The following PHF24 variants were observed in gnomAD, a reference collection of about 807,000 sequenced individuals.
The protein encoded by PHF24 is Galpha inhibitory interacting protein.
Under a neutral mutation model 42.6 loss-of-function variants are expected in PHF24, and 25 were observed. The observed-to-expected ratio is 0.59, with a 90% confidence interval of 0.43 to 0.82. The LOEUF (loss-of-function observed/expected upper bound fraction) is 0.82, where lower values mean the gene tolerates loss of function less well. PHF24 is among the 40% of genes least tolerant of loss of function. The pLI is 0.00. For missense variants in PHF24, 470 were observed against 538.1 expected (o/e 0.87, Z 1.25); for synonymous variants, 185 against 204.8 (o/e 0.90, Z 0.83).
In PHF24 at chr9:34,958,612, C is replaced by G. The variant is rs1211114814; in HGVS notation, c.-5+211C>G. 5.9e-5 allele frequency among the ~76,000 whole-genome samples: 9 copies of G among 152,134 alleles called. No homozygotes were observed. Among genetic ancestry groups the G allele is most frequent in the Non-Finnish European group, 1.3e-4 (9 of 68,004 alleles). On this transcript the variant is annotated intron_variant, in intron 1 of 7. Transcript: ENST00000242315. This position sits in a 1 kb window ranked among gnomAD's most constrained non-coding sequence, Gnocchi z 4.5. ...TGGGGAGCCGCCCCCATAAAGACCC[C>G]CTGTGGGAATGGACTCCCGCGGCGC...
At chr9:34,853,813 G>T in the PHF24 span, among the ~76,000 whole-genome samples, 1 of 134,352 alleles carries the variant, frequency 7.4e-6, no homozygotes, top group African/African-American at 2.9e-5. Flanking sequence ...GGGTGACAGA[G>T]CGAGACTCCG....
chr9:34,928,089 G>A, the PHF24 span, among the ~76,000 whole-genome samples: 1 of 151,988 alleles, frequency 6.6e-6, no homozygotes, highest in African/African-American at 2.4e-5. Context: ...GGTGGAGAGT[G>A]CCTGTAATCC....
At chr9:34,871,329 TTGGATAGCAGTCC>T in the PHF24 span, among the ~76,000 whole-genome samples, 1 of 152,220 alleles carries the variant, frequency 6.6e-6, no homozygotes, top group Non-Finnish European at 1.5e-5. Context: ...TTTGTATACT[TTGGATAGCAGTCC>T]TTTACCAGAT....
chr9:34,918,122 A>T, the PHF24 span: 61 of 1,547,428 alleles, frequency 3.9e-5, no homozygotes, highest in African/African-American at 8.0e-4. Context: ...CTGCTGGTGT[A>T]GCCAATCGTA....
At chr9:34,915,217 A>G in the PHF24 span, among the ~76,000 whole-genome samples, 3 of 151,680 alleles carry the variant, frequency 2.0e-5, no homozygotes, top group South Asian at 6.2e-4. Context: ...TATTTTTTGT[A>G]GAGACGGGGT....
chr9:34,779,813 C>G, the PHF24 span, among the ~76,000 whole-genome samples: 1,129 of 152,272 alleles, frequency 7.4e-3, 17 homozygotes, highest in African/African-American at 0.026. Context: ...GCAACTTTTA[C>G]CTCCTAAGTT....
the PHF24 span, among the ~76,000 whole-genome samples, chr9:34,950,016 AAAAG>A: frequency 6.6e-5 from 10 of 152,186 alleles, no homozygotes; most frequent in African/African-American, 7.2e-5. Flanking sequence ...AGAGTAAAAA[AAAAG>A]AAAGAAAGAA....
the PHF24 span, among the ~76,000 whole-genome samples, chr9:34,877,299 AAAAG>A: frequency 6.6e-6 from 1 of 152,054 alleles, no homozygotes; most frequent in Non-Finnish European, 1.5e-5. Flanking sequence ...AAAAAAAAGA[AAAAG>A]AAATTCTGAC....
chr9:34,968,529 T>G (rs1826858967), intron 1 of PHF24, among the ~76,000 whole-genome samples: 1 of 152,204 alleles, frequency 6.6e-6, no homozygotes, highest in Non-Finnish European at 1.5e-5. Context: ...GGGAGGTGGT[T>G]CTTTCCTTTC....
the PHF24 span, among the ~76,000 whole-genome samples, chr9:34,731,175 T>G: frequency 1.3e-5 from 2 of 152,206 alleles, no homozygotes; most frequent in Admixed American, 6.5e-5. Flanking sequence ...TATATATTTA[T>G]GGGGTATGTG....
the PHF24 span, among the ~76,000 whole-genome samples, chr9:34,919,494 A>G: frequency 1.3e-5 from 2 of 151,814 alleles, no homozygotes; most frequent in African/African-American, 4.8e-5. Context: ...TCATTCTACT[A>G]TCTTCATGAG....
the PHF24 span, among the ~76,000 whole-genome samples, chr9:34,927,319 G>A: frequency 2.6e-5 from 4 of 152,170 alleles, no homozygotes; most frequent in Admixed American, 1.3e-4. Context: ...TAATGAGGAT[G>A]GAGCGCCCCA....
the PHF24 span, among the ~76,000 whole-genome samples, chr9:34,777,953 G>C: frequency 1.3e-5 from 2 of 152,226 alleles, no homozygotes; most frequent in African/African-American, 4.8e-5. Flanking sequence ...GCAGAAGTCT[G>C]TGGTGGTAAT....
the PHF24 span, among the ~76,000 whole-genome samples, chr9:34,692,921 G>A: frequency 1.3e-5 from 2 of 151,682 alleles, no homozygotes; most frequent in African/African-American, 2.4e-5. Context: ...TGAGTAGCTG[G>A]GATTACAGGC....
chr9:34,887,207 G>A, the PHF24 span, among the ~76,000 whole-genome samples: 2 of 152,076 alleles, frequency 1.3e-5, no homozygotes, highest in Admixed American at 6.6e-5. Context: ...CTAAATGCCT[G>A]TAATCTCCTC....
At chr9:34,908,838 TTTTC>T in the PHF24 span, among the ~76,000 whole-genome samples, 28 of 139,536 alleles carry the variant, frequency 2.0e-4, no homozygotes, top group African/African-American at 4.0e-4. Context: ...TTTTCTTTTC[TTTTC>T]TTTTTTTTTT....
At chr9:34,750,606 A>G in the PHF24 span, among the ~76,000 whole-genome samples, 1 of 152,120 alleles carries the variant, frequency 6.6e-6, no homozygotes, top group African/African-American at 2.4e-5. Flanking sequence ...TTATTAGTTT[A>G]TTTATGCAAT....
intron 1 of PHF24, among the ~76,000 whole-genome samples, chr9:34,963,212 G>A (rs1826652297): frequency 6.6e-6 from 1 of 151,862 alleles, no homozygotes; most frequent in African/African-American, 2.4e-5. Flanking sequence ...CGGACCCCTC[G>A]GGGCTTGGAT....
chr9:34,799,570 G>A, the PHF24 span, among the ~76,000 whole-genome samples: 1 of 152,128 alleles, frequency 6.6e-6, no homozygotes, highest in African/African-American at 2.4e-5. Context: ...TTGTGGTCCA[G>A]ACCAATTGAC....
Sources: gnomAD v4.1 joint callset for allele counts (sites outside exome capture counted in the v4.1 genomes callset) on GRCh38, gnomAD v4.1.1 for gene constraint, Gnocchi (gnomAD v3.1) non-coding constraint, MANE v1.5 for transcripts, NCBI Gene and HGNC (gene_info 2026-07-23, HGNC 2026-07-21) for gene names.